Variants in TNR observed in about 807,000 individuals in gnomAD.
TNR encodes the protein tenascin R.
In TNR, 45 loss-of-function variants were observed where a neutral mutation model predicts 150.4. The ratio of observed to expected loss-of-function variants is 0.30; its 90% CI spans 0.24 to 0.38. The LOEUF is 0.38. Ranked by LOEUF, TNR falls within the 10% of genes least tolerant of loss-of-function variation. The pLI, the probability that TNR is intolerant of heterozygous loss-of-function variation, is 1.00. For synonymous variants in TNR, 687 were observed against 678.4 expected, an observed-to-expected ratio of 1.01 and a Z score of -0.20; for missense variants, 1,544 against 1,759.1, an observed-to-expected ratio of 0.88 and a Z score of 2.19.
intron 1 of TNR, among the ~76,000 whole-genome samples, chr1:175,622,137 C>A (rs527272996): frequency 6.6e-6 from 1 of 152,318 alleles, no homozygotes; most frequent in Admixed American, 6.5e-5. Flanking sequence ...CTGTATCTTA[C>A]ATATTGAATG....
rs907625457 is a variant in TNR, at chr1:175,323,226, G to A, written c.*131C>T. ...CAGATGTTAGCCAGCGGATTCCTGC[G>A]ACATCCCTGCTTCCTTCACATACTC... On this transcript the variant is annotated 3_prime_UTR_variant, in exon 23 of 23. Coordinates refer to ENST00000367674, the MANE Select transcript of TNR (RefSeq NM_003285.3). 5 of 1,217,014 alleles carry A rather than the reference G, an allele frequency of 4.1e-6. No individual in the cohort carries two copies. The highest frequency in any genetic ancestry group is 2.7e-5 in the East Asian group (1 of 36,940). The allele number at this position is 1,217,014 out of a possible 1,614,324, so 75.4% of individuals were successfully genotyped here. A position where few individuals can be genotyped will look rare whatever the true frequency, so the allele number is the denominator to read the frequency against.
chr1:175,475,247 C>T lies in TNR; in HGVS notation c.-64+53022G>A, dbSNP rs75977549. The stretch of plus-strand genomic sequence containing the variant: ...ATATCTTTCATCTGGTCTCCTTGCT[C>T]CTAGCGTCATCTCCCCATTCTCTTA... On this transcript the variant is annotated intron_variant, in intron 2 of 22. Transcript: ENST00000367674. 9.6e-3 allele frequency among the ~76,000 whole-genome samples: 1,456 copies of T among 152,270 alleles called. 19 individuals carry two copies. Among genetic ancestry groups the T allele is most frequent in the Middle Eastern group, 0.034 (10 of 294 alleles).
intron 1 of TNR, among the ~76,000 whole-genome samples, chr1:175,557,332 G>A (rs1661202770): frequency 6.6e-6 from 1 of 152,202 alleles, no homozygotes; most frequent in South Asian, 2.1e-4. Context: ...AAGCCACTAA[G>A]TTTGTGATAA....
At chr1:175,381,706 T>A (rs190345995) in intron 8 of TNR, among the ~76,000 whole-genome samples, 137 of 152,292 alleles carry the variant, frequency 9.0e-4, no homozygotes, top group African/African-American at 2.4e-3. Context: ...GTGGAGAGAC[T>A]TGAGACTATG....
chr1:175,381,549 C>T (rs966455487), intron 8 of TNR, among the ~76,000 whole-genome samples: 3 of 152,284 alleles, frequency 2.0e-5, no homozygotes, highest in Middle Eastern at 6.8e-3. Context: ...AGAGCTAGGA[C>T]AAGGTGAAAT....
chr1:175,627,765 C>T (rs747166665), intron 1 of TNR, among the ~76,000 whole-genome samples: 6 of 151,818 alleles, frequency 4.0e-5, no homozygotes, highest in Non-Finnish European at 5.9e-5. Flanking sequence ...GCTCTCCTAA[C>T]GTTTTTACAC....
chr1:175,334,555 T>C (rs1036115219), intron 20 of TNR, among the ~76,000 whole-genome samples: 1 of 152,202 alleles, frequency 6.6e-6, no homozygotes, highest in Non-Finnish European at 1.5e-5. Flanking sequence ...TTGAGATGTT[T>C]TTCAGACTTT....
At chr1:175,479,801 C>A (rs1193451118) in intron 2 of TNR, among the ~76,000 whole-genome samples, 4 of 152,214 alleles carry the variant, frequency 2.6e-5, no homozygotes, top group Admixed American at 2.6e-4. Flanking sequence ...TTCGAAAAAC[C>A]TCCCAGCTGC....
chr1:175,335,033 A>G (rs1339226759), intron 20 of TNR, among the ~76,000 whole-genome samples: 3 of 152,154 alleles, frequency 2.0e-5, no homozygotes, highest in African/African-American at 7.2e-5. Context: ...GAGACCACAA[A>G]TATGGAACTT....
chr1:175,680,283 TGA>T (rs1240277409), intron 1 of TNR, among the ~76,000 whole-genome samples: 8 of 152,112 alleles, frequency 5.3e-5, no homozygotes, highest in Non-Finnish European at 1.2e-4. Context: ...CATCTGCAGC[TGA>T]GAGTCTCAGA....
chr1:175,385,350 A>C (rs537602771), intron 8 of TNR, among the ~76,000 whole-genome samples: 3 of 152,126 alleles, frequency 2.0e-5, no homozygotes, highest in East Asian at 3.9e-4. Context: ...GCCTTTCCCA[A>C]CTGTTGGCAA....
chr1:175,467,488 A>T (rs1657084229), intron 2 of TNR, among the ~76,000 whole-genome samples: 1 of 152,228 alleles, frequency 6.6e-6, no homozygotes, highest in African/African-American at 2.4e-5. Context: ...GAATTAGGCA[A>T]TGCTTAACTC....
chr1:175,529,621 A>G (rs1173647947), intron 1 of TNR, among the ~76,000 whole-genome samples: 1 of 152,190 alleles, frequency 6.6e-6, no homozygotes, highest in African/African-American at 2.4e-5. Flanking sequence ...GCTGCTCACC[A>G]AATGGAAGAA....
intron 1 of TNR, among the ~76,000 whole-genome samples, chr1:175,563,674 A>C (rs114449936): frequency 0.018 from 2,666 of 152,290 alleles, 82 homozygotes; most frequent in African/African-American, 0.061. Context: ...TTCCAAATTC[A>C]TTCCTCGCTT....
intron 18 of TNR, among the ~76,000 whole-genome samples, chr1:175,341,084 A>G (rs956629651): frequency 1.3e-5 from 2 of 152,186 alleles, no homozygotes; most frequent in Non-Finnish European, 2.9e-5. Flanking sequence ...TAAAGAACAC[A>G]CTGGTTCCTG....
intron 1 of TNR, among the ~76,000 whole-genome samples, chr1:175,596,470 C>T (rs1663012457): frequency 5.3e-5 from 8 of 152,152 alleles, no homozygotes; most frequent in Admixed American, 3.9e-4. Flanking sequence ...ACTGTGGGCT[C>T]TTCTGCTACT....
At chr1:175,521,284 T>G (rs1322940576) in intron 2 of TNR, among the ~76,000 whole-genome samples, 3 of 152,234 alleles carry the variant, frequency 2.0e-5, no homozygotes, top group Admixed American at 2.0e-4. Context: ...CCATCTCATT[T>G]GTTGTGGAGC....
At chr1:175,544,998 C>T (rs1335705614) in intron 1 of TNR, among the ~76,000 whole-genome samples, 1 of 152,154 alleles carries the variant, frequency 6.6e-6, no homozygotes, top group Non-Finnish European at 1.5e-5. Flanking sequence ...ATTCCTTCAT[C>T]CTGGATCCCT....
intron 4 of TNR, among the ~76,000 whole-genome samples, chr1:175,400,872 T>G (rs1653676589): frequency 6.6e-6 from 1 of 152,178 alleles, no homozygotes; most frequent in Admixed American, 6.5e-5. Context: ...CTTTAGATAA[T>G]GACCTAGATA....
Sources: allele counts gnomAD v4.1 joint callset (sites outside exome capture counted in the v4.1 genomes callset), GRCh38; gene constraint gnomAD v4.1.1; transcripts MANE v1.5; gene names NCBI Gene and HGNC (gene_info 2026-07-23, HGNC 2026-07-21).